The following OXCT1 variants were observed in gnomAD, a reference collection of about 807,000 sequenced individuals.
The protein encoded by OXCT1 is 3-oxoacid CoA-transferase 1, also known as succinyl-CoA:3-ketoacid coenzyme A transferase 1, mitochondrial.
In OXCT1, 27 loss-of-function variants were observed where a neutral mutation model predicts 69.6. The ratio of observed to expected loss-of-function variants is 0.39; its 90% confidence interval spans 0.29 to 0.54. The LOEUF (loss-of-function observed/expected upper bound fraction) is 0.54, where lower values mean the gene tolerates loss of function less well. OXCT1 is among the 20% of genes least tolerant of loss of function. The pLI is 0.72. For missense variants in OXCT1, 437 were observed against 650.2 expected (o/e 0.67, Z 3.57); for synonymous variants, 202 against 217.8 (o/e 0.93, Z 0.64).
At chr5:41,829,010 T>C (rs72746962) in intron 7 of OXCT1, among the ~76,000 whole-genome samples, 8,682 of 152,172 alleles carry the variant, frequency 0.057, 269 homozygotes, top group African/African-American at 0.079. Context: ...TGAACCAATA[T>C]TACAGAGAAA....
intron 13 of OXCT1, among the ~76,000 whole-genome samples, chr5:41,772,242 C>T (rs1331065133): frequency 6.6e-6 from 1 of 151,962 alleles, no homozygotes; most frequent in African/African-American, 2.4e-5. Flanking sequence ...AGAACTAGAA[C>T]CATGGGCAGC....
chr5:41,742,186 A>C (rs1427150287), intron 15 of OXCT1, among the ~76,000 whole-genome samples: 1 of 152,248 alleles, frequency 6.6e-6, no homozygotes, highest in East Asian at 1.9e-4. Context: ...CACATTTATC[A>C]AATCTTAATT....
At chr5:41,807,544 T>C (rs1561092458) in intron 7 of OXCT1, 106 bp from the exon 8 acceptor site, 2 of 699,976 alleles carry the variant, frequency 2.9e-6, no homozygotes, top group Non-Finnish European at 5.2e-6. Context: ...GCTGCAAACA[T>C]ATGACGGAAT....
At chr5:41,818,432 C>T (rs537777239) in intron 7 of OXCT1, among the ~76,000 whole-genome samples, 3 of 152,054 alleles carry the variant, frequency 2.0e-5, no homozygotes, top group Non-Finnish European at 4.4e-5. Context: ...AATTTTTATT[C>T]TGTGGAATGA....
intron 1 of OXCT1, among the ~76,000 whole-genome samples, chr5:41,869,470 A>G (rs1750172667): frequency 6.6e-6 from 1 of 152,130 alleles, no homozygotes; most frequent in Non-Finnish European, 1.5e-5. Flanking sequence ...AGGCAAAACC[A>G]CAAGTCAGTC....
intron 7 of OXCT1, among the ~76,000 whole-genome samples, chr5:41,837,704 A>G (rs1382772601): frequency 1.3e-5 from 2 of 152,140 alleles, no homozygotes; most frequent in African/African-American, 4.8e-5. Flanking sequence ...TGGAGATTCA[A>G]TATCTTCCAA....
At chr5:41,736,852 G>A (rs911269093) in intron 16 of OXCT1, among the ~76,000 whole-genome samples, 1 of 152,168 alleles carries the variant, frequency 6.6e-6, no homozygotes, top group East Asian at 1.9e-4. Context: ...CAGAACTTGA[G>A]CAACTAGTGT....
chr5:41,734,272 C>T (rs975423741), intron 16 of OXCT1, among the ~76,000 whole-genome samples: 2 of 152,118 alleles, frequency 1.3e-5, no homozygotes, highest in African/African-American at 4.8e-5. Context: ...TTTATTCTAA[C>T]ACATAATGTT....
chr5:41,861,242 T>C, intron 3 of OXCT1, 72 bp downstream of exon 3: 4 of 1,001,086 alleles, frequency 4.0e-6, no homozygotes, highest in Non-Finnish European at 6.4e-6. Context: ...CTTCATTTCA[T>C]TGATAAACTC....
intron 7 of OXCT1, among the ~76,000 whole-genome samples, chr5:41,825,914 A>C (rs1019051260): frequency 6.6e-6 from 1 of 152,242 alleles, no homozygotes; most frequent in African/African-American, 2.4e-5. Context: ...TTTAAGCAGG[A>C]AATAACTTTA....
At chr5:41,859,079 G>A (rs1371938790) in intron 3 of OXCT1, among the ~76,000 whole-genome samples, 7 of 152,078 alleles carry the variant, frequency 4.6e-5, no homozygotes, top group Non-Finnish European at 7.4e-5. Flanking sequence ...CATCCTGCCC[G>A]GGGTGTGAAT....
chr5:41,829,976 A>C (rs1748009588), intron 7 of OXCT1, among the ~76,000 whole-genome samples: 1 of 152,228 alleles, frequency 6.6e-6, no homozygotes, highest in Non-Finnish European at 1.5e-5. Context: ...ATGATCAGTC[A>C]GTTCATTCAG....
intron 7 of OXCT1, among the ~76,000 whole-genome samples, chr5:41,820,246 T>C (rs1440528605): frequency 1.3e-5 from 2 of 152,226 alleles, no homozygotes; most frequent in African/African-American, 4.8e-5. Flanking sequence ...TAGCAAGTTA[T>C]CAAGTGTTTA....
intron 14 of OXCT1, among the ~76,000 whole-genome samples, chr5:41,758,008 C>T (rs966781918): frequency 3.9e-5 from 6 of 151,998 alleles, no homozygotes; most frequent in African/African-American, 7.2e-5. Context: ...ATTACCAGGA[C>T]GTAGGGGCAG....
At chr5:41,763,855 G>A (rs1330567736) in intron 13 of OXCT1, among the ~76,000 whole-genome samples, 2 of 152,116 alleles carry the variant, frequency 1.3e-5, no homozygotes, top group African/African-American at 4.8e-5. Context: ...GGTTACATAG[G>A]TAAAAACTTA....
chr5:41,841,187 T>C (rs1748610792), intron 6 of OXCT1, among the ~76,000 whole-genome samples: 1 of 152,216 alleles, frequency 6.6e-6, no homozygotes, highest in Non-Finnish European at 1.5e-5. Context: ...AATTAAAACA[T>C]ATTTTTTGTC....
At chr5:41,829,936 T>C (rs963172130) in intron 7 of OXCT1, among the ~76,000 whole-genome samples, 1 of 152,228 alleles carries the variant, frequency 6.6e-6, no homozygotes, top group South Asian at 2.1e-4. Flanking sequence ...ATGAATTGTC[T>C]TTAAATACTT....
chr5:41,803,913 C>T (rs1746542345), intron 9 of OXCT1, among the ~76,000 whole-genome samples: 1 of 152,056 alleles, frequency 6.6e-6, no homozygotes, highest in South Asian at 2.1e-4. Context: ...ATCAAAGATA[C>T]TCACACTGCC....
intron 7 of OXCT1, among the ~76,000 whole-genome samples, chr5:41,825,522 A>G (rs1747762643): frequency 6.6e-6 from 1 of 152,238 alleles, no homozygotes; most frequent in Non-Finnish European, 1.5e-5. Context: ...CAAAGCTATC[A>G]TAAGGAAGAA....
Sources: allele counts gnomAD v4.1 joint callset (sites outside exome capture counted in the v4.1 genomes callset), GRCh38; gene constraint gnomAD v4.1.1; transcripts MANE v1.5; gene names NCBI Gene and HGNC (gene_info 2026-07-23, HGNC 2026-07-21).